GMIP: variants seen among roughly 807,000 people sequenced by gnomAD.
The protein encoded by GMIP is GEM-interacting protein.
In GMIP, 54 loss-of-function variants were observed where a neutral mutation model predicts 105.3. The ratio of observed to expected loss-of-function variants is 0.51; its 90% CI spans 0.41 to 0.64. The LOEUF is 0.64. GMIP is among the 30% of genes least tolerant of loss of function. The probability of loss-of-function intolerance (pLI) is 0.00; values close to 1 mark genes in which losing one functional copy is unlikely to be tolerated. For synonymous variants in GMIP, 541 were observed against 560.8 expected (o/e 0.96, Z 0.50); for missense variants, 1,110 against 1,319.4 (o/e 0.84, Z 2.46).
At position 19,630,256 on chromosome 19, in the gene GMIP, G is replaced by A. The variant is rs926257940; in HGVS notation, c.2620C>T (p.Arg874Trp). ...HFSRQPVKYP[R>W]GGVRPVTHQL... ...TGGGTTACAGGCCTCACACCGCCCC[G>A]GGGATACTTCACTGGCTGGCGGCTG... The change falls in exon 21 of 21, where the codon CGG becomes TGG. Residue 874 changes from arginine to tryptophan, a missense_variant. By Grantham distance (101) the Arg-to-Trp change is moderately radical (BLOSUM62 -3). Around this residue, in one of 3 missense-constraint regions of GMIP, gnomAD observed 394 missense variants for 450.5 expected, o/e 0.87. Coordinates refer to ENST00000203556, the MANE Select transcript of GMIP (RefSeq NM_016573.4). The surrounding 1 kb of genome is among the most constrained non-coding windows in gnomAD (Gnocchi z 4.8). 8.9e-6 allele frequency: 14 copies of A among 1,565,722 alleles called. No individual in the cohort carries two copies. The highest frequency in any genetic ancestry group is 2.7e-5 in the African/African-American group (2 of 73,504).
In GMIP at chr19:19,637,838, G is replaced by C; in HGVS notation, c.927+82C>G. 1 of 1,429,092 alleles carries C rather than the reference G, an allele frequency of 7.0e-7. No individual in the cohort carries two copies. Among genetic ancestry groups the C allele is most frequent in the Non-Finnish European group, 9.5e-7 (1 of 1,048,612 alleles). 88.5% of individuals were successfully genotyped at this position (1,429,092 alleles called of 1,614,324 possible). A position where few individuals can be genotyped will look rare whatever the true frequency, so the allele number is the denominator to read the frequency against. On this transcript the variant is annotated intron_variant, in intron 10 of 20. Coordinates refer to ENST00000203556, the MANE Select transcript of GMIP (RefSeq NM_016573.4). This position sits in a 1 kb window ranked among gnomAD's most constrained non-coding sequence, Gnocchi z 6.7. ...AATGGCCTAGTCCTGGTGTCTCCAG[G>C]GTGGCTTAGGGGCGAGGAGTGGGGC... is the stretch of plus-strand genomic sequence containing the variant.
Position 19,640,586 on chromosome 19 carries a change from T to C in GMIP, c.239-15A>G. The C allele has an allele frequency of 6.2e-7, 1 of 1,613,706 alleles. No individual in the cohort carries two copies. Among genetic ancestry groups the C allele is most frequent in the South Asian group, 1.1e-5 (1 of 91,060 alleles). ...CAGTTCCTCCCCTGGGGAAGATGGA[T>C]GGACCTCTGACCTTTGCACCCTAGT... On this transcript the variant is annotated splice_polypyrimidine_tract_variant and intron_variant, in intron 4 of 20. Transcript: ENST00000203556.
Position 19,631,057 on chromosome 19 carries a change from C to T in GMIP, c.2473-520G>A, listed in dbSNP as rs556734381. ...CTCTACTAGAAATACAAAATTTAGC[C>T]GGGCGTGGTGGTGCATGCCTGTAAT... On this transcript the variant is annotated intron_variant, in intron 19 of 20. Transcript: ENST00000203556. Among the ~76,000 whole-genome samples, 11 of 152,160 alleles carry T rather than the reference C, an allele frequency of 7.2e-5. No homozygotes were observed. In the East Asian group the frequency reaches 1.7e-3, roughly 24 times the overall value.
At chr19:19,642,324 G>A (rs747430087) in intron 2 of GMIP, among the ~76,000 whole-genome samples, 45 of 152,186 alleles carry the variant, frequency 3.0e-4, no homozygotes, top group Non-Finnish European at 5.7e-4. Context: ...ATATGTAGGG[G>A]TTCTAGGACC....
Position 19,637,652 on chromosome 19 carries a change from C to T in GMIP, c.928-91G>A. 8.9e-7 allele frequency: 1 copy of T among 1,119,084 alleles called. No individual in the cohort carries two copies. 69.3% of individuals were successfully genotyped at this position (1,119,084 alleles called of 1,614,324 possible). A position where few individuals can be genotyped will look rare whatever the true frequency, so the allele number is the denominator to read the frequency against. On this transcript the variant is annotated intron_variant, in intron 10 of 20. Coordinates refer to ENST00000203556, the MANE Select transcript of GMIP (RefSeq NM_016573.4). The surrounding 1 kb of genome is among the most constrained non-coding windows in gnomAD (Gnocchi z 6.7). ...TGGGGCGGGGCTTGAGAGACGCGAA[C>T]GTGGTCAGGGTTTGGGACGCACCTG...
intron 1 of GMIP, 83 bp from the exon 2 acceptor site, chr19:19,642,702 T>C: frequency 3.5e-6 from 2 of 563,440 alleles, no homozygotes; most frequent in Admixed American, 2.6e-5. Context: ...TTGGAGGGGG[T>C]GGAAGAGAAA....
In GMIP at chr19:19,640,245, G is replaced by C. The variant is rs758159380; in HGVS notation, c.429+51C>G. ...ATACTGAAGATCTGTGGGGGACAAA[G>C]GTGGGGTTCTAGGGGGCTTGGGCTC... is the stretch of plus-strand genomic sequence containing the variant. On this transcript the variant is annotated intron_variant, in intron 6 of 20. Transcript: ENST00000203556. 10 of 1,584,924 alleles carry C rather than the reference G, an allele frequency of 6.3e-6. No individual in the cohort carries two copies. In the East Asian group the frequency reaches 2.2e-4, roughly 35 times the overall value.
In GMIP at chr19:19,635,083, A is replaced by G. The variant is rs900228246; in HGVS notation, c.1691T>C (p.Val564Ala). 28 of 1,613,840 alleles carry G rather than the reference A, an allele frequency of 1.7e-5. No individual in the cohort carries two copies. The highest frequency in any genetic ancestry group is 5.0e-5 in the Admixed American group (3 of 59,978). Residue 564 changes from valine (V) to alanine (A), a missense_variant, in exon 16 of 21, where the codon GTA becomes GCA. Physicochemically the swap from Val to Ala is moderately conservative, Grantham distance 64 (BLOSUM62 0). Around this residue, in one of 3 missense-constraint regions of GMIP, gnomAD observed 667 missense variants for 773.2 expected, o/e 0.86. Coordinates refer to ENST00000203556, the MANE Select transcript of GMIP (RefSeq NM_016573.4). The surrounding 1 kb of genome is among the most constrained non-coding windows in gnomAD (Gnocchi z 4.7). ...LQLPRDFPEEVPFVVTKCTAE... is the reference protein window; with the variant it reads ...LQLPRDFPEEAPFVVTKCTAE... ...CGTGCACTTCGTGACCACAAAGGGT[A>G]CCTCCTCCGGGAAGTCCCTGGGTAG...
chr19:19,636,967 G>A lies in GMIP; in HGVS notation c.1187C>T (p.Ser396Leu), dbSNP rs1402356768. 1 of 1,585,908 alleles carries A rather than the reference G, an allele frequency of 6.3e-7. No homozygotes were observed. The highest frequency in any genetic ancestry group is 8.6e-7 in the Non-Finnish European group (1 of 1,165,374). ...GPLPPRLDEN[S>L]AEPGPWEDPG... ...ATCCTCCCAAGGGCCTGGCTCAGCT[G>A]AATTCTCATCCAGCCTTGGAGGAAG... is the stretch of plus-strand genomic sequence containing the variant. Residue 396 changes from serine (S) to leucine (L), a missense_variant, in exon 12 of 21, where the codon TCA (serine) becomes TTA (leucine). Physicochemically the swap from Ser to Leu is moderately radical, Grantham distance 145. This residue lies in a region of GMIP where 667 missense variants were observed against 773.2 expected (regional missense o/e 0.86). Transcript: ENST00000203556.
chr19:19,641,881 A>G lies in GMIP; in HGVS notation c.181-14T>C, dbSNP rs1224797494. ...GGCTTCGTTGGTCTGTGCGGGAGGG[A>G]GACAGTATTCAGAAGCAAACAGGGC... is the stretch of plus-strand genomic sequence containing the variant. On this transcript the variant is annotated splice_polypyrimidine_tract_variant and intron_variant, in intron 3 of 20. Coordinates refer to ENST00000203556, the MANE Select transcript of GMIP (RefSeq NM_016573.4). 3.7e-6 allele frequency: 6 copies of G among 1,613,054 alleles called. No homozygotes were observed. The highest frequency in any genetic ancestry group is 5.1e-6 in the Non-Finnish European group (6 of 1,179,590).
Position 19,634,269 on chromosome 19 carries a change from C to G in GMIP, c.2085-79G>C. 7.0e-7 allele frequency: 1 copy of G among 1,431,762 alleles called. No individual in the cohort carries two copies. Among genetic ancestry groups the G allele is most frequent in the Non-Finnish European group, 9.3e-7 (1 of 1,072,950 alleles). The allele number at this position is 1,431,762 out of a possible 1,614,324, so 88.7% of individuals were successfully genotyped here. On this transcript the variant is annotated intron_variant, in intron 18 of 20. Transcript: ENST00000203556. This position sits in a 1 kb window ranked among gnomAD's most constrained non-coding sequence, Gnocchi z 6.1. ...TGAGGGTAAGGGTGGGACACGCAGG[C>G]CAGCCTAGAGGTGACTTGCCCATGT...
At chr19:19,631,074 G>A (rs1245149587) in intron 19 of GMIP, among the ~76,000 whole-genome samples, 2 of 152,156 alleles carry the variant, frequency 1.3e-5, no homozygotes, top group Admixed American at 1.3e-4. Flanking sequence ...GGTGGTGCAT[G>A]CCTGTAATCC....
chr19:19,637,938 C>G lies in GMIP; in HGVS notation c.909G>C (p.Gly303=). 6.2e-7 allele frequency: 1 copy of G among 1,607,518 alleles called. No homozygotes were observed. Among genetic ancestry groups the G allele is most frequent in the Non-Finnish European group, 8.5e-7 (1 of 1,177,620 alleles). The change falls in exon 10 of 21, where the codon GGG becomes GGC. Residue 303 remains glycine (G), a synonymous_variant. Transcript: ENST00000203556. The surrounding 1 kb of genome is among the most constrained non-coding windows in gnomAD (Gnocchi z 6.7). ...VSHVRKLVFQ[G]DEVLRRVTLS... ...GCCTCACCCGCCTCAGCACTTCATCCCCCTGAAACACCAGCTTGCGCACGT... is the reference window on the plus strand; with the variant it reads ...GCCTCACCCGCCTCAGCACTTCATCGCCCTGAAACACCAGCTTGCGCACGT...
In GMIP at chr19:19,630,651, G is replaced by T; in HGVS notation, c.2473-114C>A. ...TGCAAAAGGAATAGCCAGTGCAAAGGCCCTGAGGTAGGAGCATGCCTGGTA... is the reference window on the plus strand; with the variant it reads ...TGCAAAAGGAATAGCCAGTGCAAAGTCCCTGAGGTAGGAGCATGCCTGGTA... On this transcript the variant is annotated intron_variant, in intron 19 of 20. Coordinates refer to ENST00000203556, the MANE Select transcript of GMIP (RefSeq NM_016573.4). The surrounding 1 kb of genome is among the most constrained non-coding windows in gnomAD (Gnocchi z 4.8). 1.1e-6 allele frequency: 1 copy of T among 876,128 alleles called. No homozygotes were observed. The highest frequency in any genetic ancestry group is 1.9e-6 in the Non-Finnish European group (1 of 529,146). 54.3% of individuals were successfully genotyped at this position (876,128 alleles called of 1,614,324 possible). A position where few individuals can be genotyped will look rare whatever the true frequency, so the allele number is the denominator to read the frequency against.
At chr19:19,643,334 G>A in intron 1 of GMIP, 177 bp downstream of exon 1, 1 of 509,050 alleles carries the variant, frequency 2.0e-6, no homozygotes, top group Non-Finnish European at 3.5e-6. Context: ...GGGAGTGAAG[G>A]GCTGGGGTCC....
chr19:19,640,049 G>A lies in GMIP; in HGVS notation c.537+36C>T, dbSNP rs758712681. 4.1e-6 allele frequency: 5 copies of A among 1,207,772 alleles called. No individual in the cohort carries two copies. The African/African-American group carries it at 6.0e-5, about 14-fold the overall frequency. 74.8% of individuals were successfully genotyped at this position (1,207,772 alleles called of 1,614,324 possible). ...GGCCTGAAGGACAGCAGGATAGCAG[G>A]GTGACCTCTGTAACATTCCACCCTG... On this transcript the variant is annotated intron_variant, in intron 7 of 20. Transcript: ENST00000203556.
chr19:19,642,192 TG>T, intron 2 of GMIP, 141 bp from the exon 3 acceptor site: 1 of 610,284 alleles, frequency 1.6e-6, no homozygotes. Context: ...AATGGTGTTT[TG>T]GGGGAATCAG....
intron 7 of GMIP, 91 bp from the exon 8 acceptor site, chr19:19,638,573 T>C (rs1336154089): frequency 9.3e-7 from 1 of 1,076,496 alleles, no homozygotes. Context: ...GCCATGTGCT[T>C]TGCCACCTCT....
intron 13 of GMIP, 38 bp downstream of exon 13, chr19:19,636,669 C>T (rs888394031): frequency 1.4e-5 from 21 of 1,453,646 alleles, no homozygotes; most frequent in Non-Finnish European, 1.9e-5. Flanking sequence ...AGGATGGTCA[C>T]AGGTGGAGTG....
Sources: gnomAD v4.1 joint callset for allele counts (sites outside exome capture counted in the v4.1 genomes callset) on GRCh38, gnomAD v4.1.1 for gene constraint, gnomAD v4.1.1 regional missense constraint, Gnocchi (gnomAD v3.1) non-coding constraint, MANE v1.5 for transcripts, NCBI Gene and HGNC (gene_info 2026-07-23, HGNC 2026-07-21) for gene names.